Variants in PAPPA2 observed in about 807,000 individuals in gnomAD.
The protein encoded by PAPPA2 is pappalysin 2.
A neutral mutation model predicts 176.4 loss-of-function variants in PAPPA2; 86 were observed. The observed-to-expected ratio is 0.49, with a 90% CI of 0.41 to 0.58. The LOEUF (loss-of-function observed/expected upper bound fraction) is 0.58, where lower values mean the gene tolerates loss of function less well. Ranked by LOEUF, PAPPA2 falls within the 20% of genes least tolerant of loss-of-function variation. PAPPA2 has a pLI of 0.00. For missense variants in PAPPA2, 2,073 were observed against 2,256.9 expected (o/e 0.92, Z 1.65); for synonymous variants, 809 against 852.2 (o/e 0.95, Z 0.88).
intron 1 of PAPPA2, among the ~76,000 whole-genome samples, chr1:176,522,397 C>A (rs868484592): frequency 1.6e-4 from 25 of 152,296 alleles, no homozygotes; most frequent in Middle Eastern, 6.8e-3. Flanking sequence ...TCTCTCCCTT[C>A]CATCTTTCAG....
intron 1 of PAPPA2, among the ~76,000 whole-genome samples, chr1:176,544,514 C>T (rs775850347): frequency 6.6e-6 from 1 of 152,086 alleles, no homozygotes; most frequent in Non-Finnish European, 1.5e-5. Flanking sequence ...AGTAGGAAAT[C>T]CCGACTGTTT....
At chr1:176,788,978 C>T (rs987340598) in intron 17 of PAPPA2, among the ~76,000 whole-genome samples, 2 of 152,168 alleles carry the variant, frequency 1.3e-5, no homozygotes, top group Admixed American at 6.5e-5. Context: ...ACTGTTGATC[C>T]TCAAATCACT....
intron 1 of PAPPA2, among the ~76,000 whole-genome samples, chr1:176,497,341 T>A (rs1251733828): frequency 6.6e-6 from 1 of 152,192 alleles, no homozygotes; most frequent in African/African-American, 2.4e-5. Flanking sequence ...TCTCTGTACA[T>A]GTTTCTGGGG....
At chr1:176,757,759 T>C (rs1308309236) in intron 14 of PAPPA2, among the ~76,000 whole-genome samples, 1 of 152,244 alleles carries the variant, frequency 6.6e-6, no homozygotes, top group African/African-American at 2.4e-5. Flanking sequence ...TTTGGTGTTT[T>C]AGTCATGAAG....
chr1:176,514,222 G>T (rs539431778), intron 1 of PAPPA2, among the ~76,000 whole-genome samples: 2 of 152,252 alleles, frequency 1.3e-5, no homozygotes, highest in East Asian at 1.9e-4. Flanking sequence ...GAAGGTAAAT[G>T]GGGAGCTGGC....
At position 176,556,723 on chromosome 1, in the gene PAPPA2, C is replaced by G; in HGVS notation, c.401C>G (p.Pro134Arg). ...GCTGCCCCATGGGTAGGGGATAGTC[C>G]TATTGGGCAATCTGAGCTGCTGGGA... ...EPAAPWVGDS[P>R]IGQSELLGDD... The change falls in exon 2 of 23, where the codon CCT becomes CGT. Residue 134 changes from proline to arginine, a missense_variant. Physicochemically the swap from Pro to Arg is moderately radical, Grantham distance 103 (BLOSUM62 -2). Transcript: ENST00000367662. The G allele has an allele frequency of 6.2e-7, 1 of 1,614,056 alleles. No individual in the cohort carries two copies. Among genetic ancestry groups the G allele is most frequent in the Non-Finnish European group, 8.5e-7 (1 of 1,179,956 alleles).
intron 10 of PAPPA2, among the ~76,000 whole-genome samples, chr1:176,707,064 C>G (rs1479074363): frequency 6.6e-6 from 1 of 152,178 alleles, no homozygotes; most frequent in Admixed American, 6.5e-5. Flanking sequence ...CAGTCTACAA[C>G]ACTTTTCCAA....
At chr1:176,818,987 T>C (rs1666521827) in intron 21 of PAPPA2, among the ~76,000 whole-genome samples, 1 of 152,224 alleles carries the variant, frequency 6.6e-6, no homozygotes, top group Non-Finnish European at 1.5e-5. Flanking sequence ...GAGTTATTTG[T>C]TATGCTTGAT....
chr1:176,498,729 G>T lies in PAPPA2; in HGVS notation c.-917+35311G>T, dbSNP rs1010261076. ...CGCACCATTGCACTCCAGCCTGGGC[G>T]ACAGAGCGAGACTCTTACCTCCAAA... On this transcript the variant is annotated intron_variant, in intron 1 of 22. Transcript: ENST00000367662. 1.5e-3 allele frequency among the ~76,000 whole-genome samples: 211 copies of T among 143,180 alleles called. 1 individual carries two copies. The highest frequency in any genetic ancestry group is 6.4e-4 in the Non-Finnish European group (42 of 65,804). 93.9% of individuals were successfully genotyped at this position (143,180 alleles called of 152,430 possible).
At chr1:176,490,573 G>A (rs742473) in intron 1 of PAPPA2, among the ~76,000 whole-genome samples, 93,804 of 151,916 alleles carry the variant, frequency 0.62, 31,038 homozygotes, top group East Asian at 0.95. Context: ...ATATGTTGCC[G>A]TGCATTTTCT....
intron 3 of PAPPA2, among the ~76,000 whole-genome samples, chr1:176,654,593 A>AT (rs1414697106): frequency 1.3e-5 from 2 of 150,330 alleles, no homozygotes; most frequent in African/African-American, 4.9e-5. Flanking sequence ...GAATTTTAGG[A>AT]TTTTTTTCTA....
intron 21 of PAPPA2, among the ~76,000 whole-genome samples, chr1:176,804,986 G>A (rs1205411815): frequency 6.6e-6 from 1 of 152,136 alleles, no homozygotes; most frequent in African/African-American, 2.4e-5. Context: ...ATCTCCTGGG[G>A]TAATAATTGA....
chr1:176,679,225 C>T (rs1014729069), intron 4 of PAPPA2, among the ~76,000 whole-genome samples: 5 of 152,114 alleles, frequency 3.3e-5, no homozygotes, highest in Non-Finnish European at 5.9e-5. Flanking sequence ...ACATTCAAGA[C>T]GTTCTCTATG....
intron 1 of PAPPA2, among the ~76,000 whole-genome samples, chr1:176,466,155 A>G (rs1651609899): frequency 6.6e-6 from 1 of 152,156 alleles, no homozygotes. Flanking sequence ...TATTTTCTAT[A>G]TAAAAACTTC....
chr1:176,764,293 G>A (rs1336342592), intron 14 of PAPPA2, among the ~76,000 whole-genome samples: 7 of 152,164 alleles, frequency 4.6e-5, no homozygotes, highest in Non-Finnish European at 8.8e-5. Context: ...AACAAATTGA[G>A]CAAAGGTACA....
intron 1 of PAPPA2, among the ~76,000 whole-genome samples, chr1:176,476,463 C>G (rs1401848033): frequency 2.0e-5 from 3 of 152,168 alleles, no homozygotes; most frequent in Non-Finnish European, 2.9e-5. Flanking sequence ...TATTTTCAGT[C>G]CTATTTCTGT....
chr1:176,801,975 G>C (rs1434151856), intron 21 of PAPPA2, among the ~76,000 whole-genome samples: 7 of 152,212 alleles, frequency 4.6e-5, no homozygotes, highest in South Asian at 4.2e-4. Flanking sequence ...CTGCTGGGCT[G>C]ATGTCTCCTC....
At chr1:176,769,876 CT>C in intron 16 of PAPPA2, 92 bp downstream of exon 16, 2 of 1,328,730 alleles carry the variant, frequency 1.5e-6, no homozygotes, top group Non-Finnish European at 2.0e-6. Context: ...ACCCCAACAC[CT>C]TTCCTATTTG....
At chr1:176,755,552 T>C (rs544314524) in intron 14 of PAPPA2, among the ~76,000 whole-genome samples, 97 of 152,346 alleles carry the variant, frequency 6.4e-4, no homozygotes, top group African/African-American at 2.1e-3. Context: ...CCCTAGTGAA[T>C]AGCTTAATTT....
Sources: allele counts gnomAD v4.1 joint callset (sites outside exome capture counted in the v4.1 genomes callset), GRCh38; gene constraint gnomAD v4.1.1; transcripts MANE v1.5; gene names NCBI Gene and HGNC (gene_info 2026-07-23, HGNC 2026-07-21).